The following ADAM12 variants were observed in gnomAD, a reference collection of about 807,000 sequenced individuals.
ADAM12 encodes the protein ADAM metallopeptidase domain 12, also known as disintegrin and metalloproteinase domain-containing protein 12.
ADAM12 carries 70 observed loss-of-function variants against 106.4 expected under a neutral mutation model. That is an observed-to-expected ratio of 0.66 (90% CI 0.54 to 0.80). The LOEUF (loss-of-function observed/expected upper bound fraction) is 0.80. Among genes scored for constraint, ADAM12 ranks in the 30% least tolerant of loss-of-function variants. ADAM12 has a pLI of 0.00. For synonymous variants in ADAM12, 420 were observed against 433.5 expected (o/e 0.97, Z 0.39); for missense variants, 1,010 against 1,171.9 (o/e 0.86, Z 2.02).
intron 21 of ADAM12, among the ~76,000 whole-genome samples, chr10:126,020,979 T>G (rs1482601989): frequency 1.8e-5 from 2 of 111,710 alleles, no homozygotes; most frequent in South Asian, 3.1e-4. Context: ...GGTGACAGAG[T>G]GAGACTCTGT....
intron 3 of ADAM12, among the ~76,000 whole-genome samples, chr10:126,168,073 T>C (rs1004740748): frequency 6.6e-6 from 1 of 152,216 alleles, no homozygotes; most frequent in African/African-American, 2.4e-5. Flanking sequence ...TTTTAAGGAA[T>C]GTATTTACCT....
At chr10:126,130,899 C>T (rs1054047622) in intron 5 of ADAM12, among the ~76,000 whole-genome samples, 1 of 152,186 alleles carries the variant, frequency 6.6e-6, no homozygotes, top group Admixed American at 6.5e-5. Context: ...TAAATAGGAG[C>T]TATTAGGAAC....
chr10:126,214,790 G>A (rs1016216962), intron 3 of ADAM12, among the ~76,000 whole-genome samples: 12 of 152,200 alleles, frequency 7.9e-5, no homozygotes, highest in African/African-American at 2.4e-4. Context: ...AGGTGGCTAT[G>A]CACAGACCAT....
intron 2 of ADAM12, among the ~76,000 whole-genome samples, chr10:126,302,017 C>T (rs1960646672): frequency 6.6e-6 from 1 of 152,162 alleles, no homozygotes; most frequent in African/African-American, 2.4e-5. Context: ...AAATCGTATA[C>T]AAAAACATCC....
intron 5 of ADAM12, among the ~76,000 whole-genome samples, chr10:126,134,318 G>C (rs1321344035): frequency 1.3e-5 from 2 of 152,212 alleles, no homozygotes; most frequent in Non-Finnish European, 2.9e-5. Context: ...AGACAGACAG[G>C]GTTGGGTGAC....
chr10:126,309,383 T>C (rs887619506), intron 2 of ADAM12, among the ~76,000 whole-genome samples: 10 of 152,214 alleles, frequency 6.6e-5, no homozygotes, highest in Admixed American at 5.9e-4. Context: ...GTTGAGTCAC[T>C]GGAGTCTCTC....
chr10:126,121,192 ATATATATAC>A (rs1956098956), intron 5 of ADAM12, among the ~76,000 whole-genome samples: 1 of 71,416 alleles, frequency 1.4e-5, no homozygotes, highest in Non-Finnish European at 2.6e-5. Flanking sequence ...ACTATATACT[ATATATATAC>A]TATATACTAT....
At chr10:126,356,399 C>T (rs1178019358) in intron 1 of ADAM12, among the ~76,000 whole-genome samples, 3 of 152,172 alleles carry the variant, frequency 2.0e-5, no homozygotes, top group Non-Finnish European at 4.4e-5. Context: ...AAGGCAGCAT[C>T]CCAGCCATCT....
At chr10:126,060,166 C>T (rs1954722152) in intron 14 of ADAM12, among the ~76,000 whole-genome samples, 1 of 152,186 alleles carries the variant, frequency 6.6e-6, no homozygotes, top group Non-Finnish European at 1.5e-5. Context: ...AAGGCATTCT[C>T]AAAGTGTATT....
At chr10:126,123,840 G>C (rs753998602) in intron 5 of ADAM12, among the ~76,000 whole-genome samples, 13 of 152,194 alleles carry the variant, frequency 8.5e-5, no homozygotes, top group Non-Finnish European at 1.8e-4. Flanking sequence ...GAATTAGAAA[G>C]AGAAAATGGA....
chr10:126,055,121 G>A (rs1368847373), intron 14 of ADAM12, among the ~76,000 whole-genome samples: 1 of 152,210 alleles, frequency 6.6e-6, no homozygotes, highest in Non-Finnish European at 1.5e-5. Context: ...ATATAAATCA[G>A]AACTATCATC....
At chr10:126,101,320 G>C (rs2133580661) in intron 8 of ADAM12, 79 bp from the exon 9 acceptor site, 1 of 1,475,844 alleles carries the variant, frequency 6.8e-7, no homozygotes, top group South Asian at 1.2e-5. Flanking sequence ...GAACAGATTT[G>C]CGTTATTTGA....
chr10:126,058,702 G>C (rs570240904), intron 14 of ADAM12, among the ~76,000 whole-genome samples: 1 of 152,174 alleles, frequency 6.6e-6, no homozygotes, highest in Non-Finnish European at 1.5e-5. Context: ...TGCTGATCCC[G>C]GTCAGGATAG....
intron 1 of ADAM12, among the ~76,000 whole-genome samples, chr10:126,350,509 C>T (rs1038951197): frequency 6.6e-6 from 1 of 152,202 alleles, no homozygotes; most frequent in Admixed American, 6.5e-5. Context: ...CAACTAGACT[C>T]ACCTGGCCCT....
intron 3 of ADAM12, among the ~76,000 whole-genome samples, chr10:126,213,226 C>A (rs1163138990): frequency 6.6e-6 from 1 of 152,210 alleles, no homozygotes; most frequent in African/African-American, 2.4e-5. Flanking sequence ...GCAAAAGCAT[C>A]ATAAACCAGA....
intron 3 of ADAM12, among the ~76,000 whole-genome samples, chr10:126,189,894 C>T (rs186223124): frequency 2.0e-5 from 3 of 152,264 alleles, no homozygotes; most frequent in Admixed American, 6.5e-5. Flanking sequence ...CTCCCTAGGC[C>T]GTGTGTGCAG....
At chr10:126,212,268 C>T (rs1035999967) in intron 3 of ADAM12, among the ~76,000 whole-genome samples, 1 of 152,150 alleles carries the variant, frequency 6.6e-6, no homozygotes, top group East Asian at 1.9e-4. Flanking sequence ...GTATGGTGCC[C>T]ATATTGAATC....
intron 3 of ADAM12, among the ~76,000 whole-genome samples, chr10:126,265,707 G>A (rs571442048): frequency 1.3e-5 from 2 of 152,328 alleles, no homozygotes; most frequent in South Asian, 4.2e-4. Context: ...AATTGAGAGT[G>A]TGGAAAATTC....
chr10:126,329,129 T>TAA (rs59399247), intron 2 of ADAM12, among the ~76,000 whole-genome samples: 20 of 145,686 alleles, frequency 1.4e-4, no homozygotes, highest in Non-Finnish European at 2.4e-4. Flanking sequence ...AACAAATACT[T>TAA]AAAAAAAAAA....
Sources: allele counts gnomAD v4.1 joint callset (sites outside exome capture counted in the v4.1 genomes callset), GRCh38; gene constraint gnomAD v4.1.1; transcripts MANE v1.5; gene names NCBI Gene and HGNC (gene_info 2026-07-23, HGNC 2026-07-21).